OTOGL: variants seen among roughly 807,000 people sequenced by gnomAD.
The protein encoded by OTOGL is otogelin like, also known as otogelin-like protein.
In OTOGL, 285 loss-of-function variants were observed where a neutral mutation model predicts 318.5. The ratio of observed to expected loss-of-function variants is 0.89; its 90% confidence interval spans 0.81 to 0.99. The LOEUF is 0.99. OTOGL is among the 50% of genes least tolerant of loss of function. The pLI is 0.00. For missense variants in OTOGL, 2,899 were observed against 2,845.6 expected (o/e 1.02, Z -0.43); for synonymous variants, 987 against 936.5 (o/e 1.05, Z -0.99).
intron 53 of OTOGL, 36 bp downstream of exon 53, chr12:80,366,673 G>T: frequency 1.1e-6 from 1 of 929,522 alleles, no homozygotes; most frequent in South Asian, 2.6e-5. Flanking sequence ...AATTATAAAT[G>T]AATATCATTA....
Position 80,318,713 on chromosome 12 carries a change from TG to T in OTOGL, c.3802+1del. The T allele has an allele frequency of 8.0e-7, 1 of 1,252,244 alleles. No homozygotes were observed. Among genetic ancestry groups the T allele is most frequent in the Non-Finnish European group, 1.0e-6 (1 of 978,026 alleles). 77.6% of individuals were successfully genotyped at this position (1,252,244 alleles called of 1,614,324 possible). On this transcript the variant is annotated splice_donor_variant, in intron 33 of 58. Coordinates refer to ENST00000547103, the MANE Select transcript of OTOGL (RefSeq NM_001378609.3). LOFTEE classifies it high-confidence loss of function. The stretch of plus-strand genomic sequence containing the variant: ...AGGCCTTTTCAAAGAGAAGGTATCA[TG>T]TAAGTATAATTGAAAATAAGAGTTT...
chr12:80,262,169 A>G, intron 19 of OTOGL, 76 bp downstream of exon 19: 1 of 1,332,772 alleles, frequency 7.5e-7, no homozygotes, highest in Non-Finnish European at 9.9e-7. Context: ...ATTTTATAAA[A>G]TTAGATAGTT....
chr12:80,379,520 C>T lies in OTOGL; in HGVS notation c.*1472C>T, dbSNP rs1216133873. The T allele has an allele frequency of 6.6e-6, 1 of 151,680 alleles. No individual in the cohort carries two copies. Among genetic ancestry groups the T allele is most frequent in the African/African-American group, 2.4e-5 (1 of 41,330 alleles). The allele number at this position is 151,680 out of a possible 1,614,324, so 9.4% of individuals were successfully genotyped here. On this transcript the variant is annotated 3_prime_UTR_variant, in exon 59 of 59. Coordinates refer to ENST00000547103, the MANE Select transcript of OTOGL (RefSeq NM_001378609.3). Reference sequence around the variant, plus strand: ...ATGCAATTGATTTATCCTGTTTGTGCTTAATATAAGTGTTCCTGAGATGTT... The same window carrying T: ...ATGCAATTGATTTATCCTGTTTGTGTTTAATATAAGTGTTCCTGAGATGTT...
chr12:80,323,109 C>G (rs1227566588), intron 34 of OTOGL, among the ~76,000 whole-genome samples: 2 of 45,622 alleles, frequency 4.4e-5, no homozygotes, highest in East Asian at 1.4e-3. Flanking sequence ...CACACACACA[C>G]ACACACACAC....
At chr12:80,225,713 C>A (rs1194983597) in intron 7 of OTOGL, among the ~76,000 whole-genome samples, 1 of 151,934 alleles carries the variant, frequency 6.6e-6, no homozygotes, top group Non-Finnish European at 1.5e-5. Flanking sequence ...GTTAAATATT[C>A]TTGATACATC....
chr12:80,301,703 C>G (rs1005344133), intron 27 of OTOGL, among the ~76,000 whole-genome samples: 2 of 152,144 alleles, frequency 1.3e-5, no homozygotes, highest in African/African-American at 4.8e-5. Context: ...TATGGAGTAC[C>G]TTTGATGGTA....
At chr12:80,128,647 A>C (rs1266290641) in intron 1 of OTOGL, among the ~76,000 whole-genome samples, 1 of 152,168 alleles carries the variant, frequency 6.6e-6, no homozygotes, top group African/African-American at 2.4e-5. Context: ...GGTGGAGTCT[A>C]CAGAGGCAGG....
Position 80,355,787 on chromosome 12 carries a change from G to A in OTOGL, c.5645G>A (p.Gly1882Glu). 1 of 1,613,772 alleles carries A rather than the reference G, an allele frequency of 6.2e-7. No homozygotes were observed. Among genetic ancestry groups the A allele is most frequent in the Non-Finnish European group, 8.5e-7 (1 of 1,179,792 alleles). ...QPRTAGEIWN[G>E]GIDECTLYKC... ...CGCACTGCTGGGGAGATTTGGAATG[G>A]GGGCATTGATGAATGCACTCTATAC... is the stretch of plus-strand genomic sequence containing the variant. The change falls in exon 47 of 59, where the codon GGG (glycine) becomes GAG (glutamate). Residue 1882 changes from glycine (G) to glutamate (E), a missense_variant. Gly to Glu is a moderately conservative substitution (Grantham distance 98). Transcript: ENST00000547103.
At chr12:80,279,670 T>C (rs1421538558) in intron 26 of OTOGL, among the ~76,000 whole-genome samples, 1 of 151,852 alleles carries the variant, frequency 6.6e-6, no homozygotes, top group Non-Finnish European at 1.5e-5. Context: ...TGTACCACAT[T>C]TTCTTTATCC....
chr12:80,180,185 G>A (rs568695393), intron 1 of OTOGL, among the ~76,000 whole-genome samples: 23 of 81,182 alleles, frequency 2.8e-4, no homozygotes, highest in African/African-American at 6.1e-4. Flanking sequence ...GAATCTGCAG[G>A]TTGCTACTTT....
rs75383570 is a variant in OTOGL at position 80,194,581 on chromosome 12, A to G, written c.-19-14832A>G. Among the ~76,000 whole-genome samples, 4 of 152,350 alleles carry G rather than the reference A, an allele frequency of 2.6e-5. No homozygotes were observed. The East Asian group carries it at 7.7e-4, about 29-fold the overall frequency. On this transcript the variant is annotated intron_variant, in intron 1 of 58. Transcript: ENST00000547103. ...TTCTTTTGAGTCATGACAAATTTTC[A>G]ATTATAGAAAGAAGAATCTGACAAT... is the stretch of plus-strand genomic sequence containing the variant.
intron 1 of OTOGL, among the ~76,000 whole-genome samples, chr12:80,159,026 A>C (rs910597833): frequency 2.6e-5 from 4 of 152,014 alleles, no homozygotes; most frequent in Admixed American, 6.6e-5. Flanking sequence ...GATTTTGCTG[A>C]GGGTTTTAAT....
intron 7 of OTOGL, among the ~76,000 whole-genome samples, chr12:80,228,582 C>T (rs984507722): frequency 6.6e-6 from 1 of 152,110 alleles, no homozygotes; most frequent in African/African-American, 2.4e-5. Context: ...TAGTTGTAAT[C>T]TCTGTTTTCT....
chr12:80,304,440 A>C (rs1286090106), intron 28 of OTOGL, among the ~76,000 whole-genome samples: 1 of 152,182 alleles, frequency 6.6e-6, no homozygotes, highest in Non-Finnish European at 1.5e-5. Context: ...CCTGAAATTG[A>C]GACTGAGACT....
chr12:80,270,073 C>A, intron 22 of OTOGL, 29 bp from the exon 23 acceptor site: 1 of 1,510,668 alleles, frequency 6.6e-7, no homozygotes, highest in South Asian at 1.2e-5. Flanking sequence ...AGATTTGGTT[C>A]CATAAATTAA....
intron 29 of OTOGL, among the ~76,000 whole-genome samples, chr12:80,307,871 ACCCCCCCACC>A (rs1886297123): frequency 9.9e-6 from 1 of 101,204 alleles, no homozygotes; most frequent in African/African-American, 4.5e-5. Context: ...CGGGGGGCTG[ACCCCCCCACC>A]TCCCTCCCTC....
intron 37 of OTOGL, among the ~76,000 whole-genome samples, chr12:80,331,774 A>G (rs1888087969): frequency 6.6e-6 from 1 of 152,204 alleles, no homozygotes; most frequent in Admixed American, 6.5e-5. Flanking sequence ...AATTAAGATG[A>G]TGACTGGCTT....
chr12:80,126,231 T>C (rs979703624), intron 1 of OTOGL, among the ~76,000 whole-genome samples: 6 of 152,220 alleles, frequency 3.9e-5, no homozygotes, highest in Non-Finnish European at 7.3e-5. Context: ...GAGATTCTGG[T>C]ATATTGTGTC....
intron 26 of OTOGL, 66 bp from the exon 27 acceptor site, chr12:80,296,761 T>A (rs1885426723): frequency 8.5e-7 from 1 of 1,169,598 alleles, no homozygotes; most frequent in Non-Finnish European, 1.1e-6. Flanking sequence ...GATTTCTTAA[T>A]AAAAATAACT....
Sources: allele counts gnomAD v4.1 joint callset (sites outside exome capture counted in the v4.1 genomes callset), GRCh38; gene constraint gnomAD v4.1.1; transcripts MANE v1.5; gene names NCBI Gene and HGNC (gene_info 2026-07-23, HGNC 2026-07-21).